USH2A: variants seen among roughly 807,000 people sequenced by gnomAD.
USH2A encodes the protein Usher syndrome 2A (autosomal recessive, mild).
A neutral mutation model predicts 538.9 loss-of-function variants in USH2A; 443 were observed. The observed-to-expected ratio is 0.82, with a 90% CI of 0.76 to 0.89. The LOEUF (loss-of-function observed/expected upper bound fraction) is 0.89, where lower values mean the gene tolerates loss of function less well. USH2A is among the 40% of genes least tolerant of loss of function. The pLI is 0.00. For missense variants in USH2A, 6,633 were observed against 6,324.8 expected (o/e 1.05, Z -1.65); for synonymous variants, 2,413 against 2,273.5 (o/e 1.06, Z -1.75).
chr1:216,253,960 C>A (rs2036211848), intron 11 of USH2A, among the ~76,000 whole-genome samples: 1 of 152,270 alleles, frequency 6.6e-6, no homozygotes, highest in East Asian at 1.9e-4. Context: ...AAAGCATATT[C>A]ACTTTTTTCT....
At chr1:216,026,412 A>G (rs1025347115) in intron 32 of USH2A, among the ~76,000 whole-genome samples, 1 of 152,156 alleles carries the variant, frequency 6.6e-6, no homozygotes. Flanking sequence ...GAGCTTTGCA[A>G]TAGTCATGTG....
chr1:216,214,090 T>C (rs1401439935), intron 15 of USH2A, among the ~76,000 whole-genome samples: 2 of 152,046 alleles, frequency 1.3e-5, no homozygotes, highest in Admixed American at 1.3e-4. Context: ...TCTTATAAGT[T>C]GCTAATGTAA....
intron 55 of USH2A, 70 bp from the exon 56 acceptor site, chr1:215,766,858 T>A (rs892576831): frequency 1.4e-6 from 2 of 1,383,220 alleles, no homozygotes; most frequent in African/African-American, 1.4e-5. Flanking sequence ...GTACCAGAAG[T>A]AACATGCAGA....
chr1:215,977,923 C>T (rs1254732420), intron 35 of USH2A, among the ~76,000 whole-genome samples: 1 of 152,080 alleles, frequency 6.6e-6, no homozygotes, highest in African/African-American at 2.4e-5. Flanking sequence ...TCTAGGAGTT[C>T]GAGACCAGCC....
chr1:216,313,034 C>A (rs560197251), intron 9 of USH2A, among the ~76,000 whole-genome samples: 1 of 152,228 alleles, frequency 6.6e-6, no homozygotes, highest in South Asian at 2.1e-4. Flanking sequence ...TGGAAGACAA[C>A]TTTTCCACGA....
chr1:215,909,890 T>C (rs1665732771), intron 38 of USH2A, among the ~76,000 whole-genome samples: 1 of 151,878 alleles, frequency 6.6e-6, no homozygotes, highest in Non-Finnish European at 1.5e-5. Flanking sequence ...ACTCCTAAGC[T>C]TCTGGTCTAA....
chr1:215,992,979 C>T (rs1446353700), intron 35 of USH2A, 41 bp downstream of exon 35: 3 of 1,613,566 alleles, frequency 1.9e-6, no homozygotes, highest in Non-Finnish European at 2.5e-6. Flanking sequence ...TTTACCTTTG[C>T]TAATCATCTT....
intron 61 of USH2A, among the ~76,000 whole-genome samples, chr1:215,686,065 T>G (rs1658415497): frequency 6.6e-6 from 1 of 152,152 alleles, no homozygotes; most frequent in African/African-American, 2.4e-5. Flanking sequence ...GCCAAAATGC[T>G]CAGTGCAAAC....
intron 32 of USH2A, among the ~76,000 whole-genome samples, chr1:216,044,812 C>A (rs1233353356): frequency 6.6e-6 from 1 of 152,122 alleles, no homozygotes; most frequent in Non-Finnish European, 1.5e-5. Flanking sequence ...CCCTCAGTTT[C>A]TTCACTTGTA....
At chr1:215,787,730 A>G (rs1241324994) in intron 51 of USH2A, among the ~76,000 whole-genome samples, 1 of 152,144 alleles carries the variant, frequency 6.6e-6, no homozygotes, top group Non-Finnish European at 1.5e-5. Flanking sequence ...TACCAAGTTG[A>G]TCAAAATAGT....
At chr1:216,365,148 T>C (rs1181223838) in intron 3 of USH2A, 63 bp from the exon 4 acceptor site, 6 of 1,544,326 alleles carry the variant, frequency 3.9e-6, no homozygotes, top group African/African-American at 1.4e-5. Context: ...ATTAAACACA[T>C]TTCAGCAGTT....
chr1:215,706,406 A>T (rs1659184930), intron 61 of USH2A, among the ~76,000 whole-genome samples: 1 of 152,156 alleles, frequency 6.6e-6, no homozygotes, highest in Non-Finnish European at 1.5e-5. Context: ...AGACAAGGAG[A>T]AATTGCTTTT....
chr1:215,884,791 A>G (rs1665005173), intron 41 of USH2A, among the ~76,000 whole-genome samples: 1 of 152,186 alleles, frequency 6.6e-6, no homozygotes, highest in African/African-American at 2.4e-5. Context: ...CTAAGTGTAC[A>G]TAGCAGAGGG....
intron 13 of USH2A, among the ~76,000 whole-genome samples, chr1:216,238,880 GC>G (rs1374535055): frequency 6.6e-6 from 1 of 152,050 alleles, no homozygotes; most frequent in African/African-American, 2.4e-5. Flanking sequence ...CTCCCTCCAT[GC>G]CCCACTGCTC....
chr1:216,199,480 A>T (rs953301505), intron 17 of USH2A, 147 bp downstream of exon 17: 14 of 1,221,380 alleles, frequency 1.1e-5, no homozygotes, highest in Non-Finnish European at 1.6e-5. Flanking sequence ...GACAAATACT[A>T]TCTTATATCT....
At chr1:215,916,248 A>G (rs1311149271) in intron 38 of USH2A, among the ~76,000 whole-genome samples, 1 of 152,082 alleles carries the variant, frequency 6.6e-6, no homozygotes, top group Non-Finnish European at 1.5e-5. Flanking sequence ...TTACAGATCC[A>G]ACCTAAATAA....
chr1:215,946,070 G>C (rs1174232870), intron 37 of USH2A, among the ~76,000 whole-genome samples: 1 of 152,088 alleles, frequency 6.6e-6, no homozygotes, highest in Admixed American at 6.6e-5. Context: ...GTAATGCTGG[G>C]GAAGAAATGC....
At chr1:216,147,704 C>T (rs575493684) in intron 21 of USH2A, among the ~76,000 whole-genome samples, 2,333 of 150,848 alleles carry the variant, frequency 0.015, 60 homozygotes, top group African/African-American at 0.053. Context: ...AGTTGCAATT[C>T]CTTGCCTCCA....
intron 21 of USH2A, among the ~76,000 whole-genome samples, chr1:216,126,675 G>C (rs994963420): frequency 9.2e-5 from 14 of 151,924 alleles, no homozygotes; most frequent in African/African-American, 3.4e-4. Context: ...AAAAACCAAG[G>C]CTCCTAATTT....
Sources: allele counts gnomAD v4.1 joint callset (sites outside exome capture counted in the v4.1 genomes callset), GRCh38; gene constraint gnomAD v4.1.1; transcripts MANE v1.5; gene names NCBI Gene and HGNC (gene_info 2026-07-23, HGNC 2026-07-21).